USP43: variants seen among roughly 807,000 people sequenced by gnomAD.
USP43 encodes the protein ubiquitin specific peptidase 43.
USP43 carries 33 observed loss-of-function variants against 90.7 expected under a neutral mutation model. That is an observed-to-expected ratio of 0.36 (90% CI 0.28 to 0.49). The LOEUF is 0.49. USP43 is among the 20% of genes least tolerant of loss of function. The probability of loss-of-function intolerance (pLI) is 0.98; values close to 1 mark genes in which losing one functional copy is unlikely to be tolerated. For missense variants in USP43, 1,274 were observed against 1,476.4 expected (o/e 0.86, Z 2.25); for synonymous variants, 598 against 615.8 (o/e 0.97, Z 0.43).
At chr17:9,724,320 G>T (rs747966248) in intron 14 of USP43, among the ~76,000 whole-genome samples, 7 of 152,154 alleles carry the variant, frequency 4.6e-5, no homozygotes, top group Non-Finnish European at 8.8e-5. Flanking sequence ...GCTTGTCCCA[G>T]GTTGCACTCT....
chr17:9,726,691 T>G (rs963571018), intron 14 of USP43, among the ~76,000 whole-genome samples: 2 of 152,166 alleles, frequency 1.3e-5, no homozygotes, highest in Non-Finnish European at 2.9e-5. Context: ...AGAGCTTCAA[T>G]GTATGAATCT....
chr17:9,699,244 A>G (rs1180063594), intron 9 of USP43, among the ~76,000 whole-genome samples: 1 of 152,200 alleles, frequency 6.6e-6, no homozygotes, highest in African/African-American at 2.4e-5. Flanking sequence ...AGGAGGCAGC[A>G]TGGTTCTCCC....
Position 9,674,107 on chromosome 17 carries a change from G to A in USP43, c.741-784G>A, listed in dbSNP as rs904711540. Among the ~76,000 whole-genome samples, 5 of 152,096 alleles carry A rather than the reference G, an allele frequency of 3.3e-5. No individual in the cohort carries two copies. The highest frequency in any genetic ancestry group is 1.2e-4 in the African/African-American group (5 of 41,392). ...TTTAAAAAAGCCTTCCTGTGGTTCT[G>A]GGGCACAGTGAGGCTGAGAAGCAGG... On this transcript the variant is annotated intron_variant, in intron 3 of 14. Coordinates refer to ENST00000285199, the MANE Select transcript of USP43 (RefSeq NM_153210.5). This position sits in a 1 kb window ranked among gnomAD's most constrained non-coding sequence, Gnocchi z 4.4.
chr17:9,697,220 A>T (rs969608546), intron 9 of USP43, among the ~76,000 whole-genome samples: 3 of 152,020 alleles, frequency 2.0e-5, no homozygotes, highest in African/African-American at 7.2e-5. Flanking sequence ...CTGTCTCAAA[A>T]ATAAATAAAT....
chr17:9,648,823 A>C (rs561801787), intron 1 of USP43, among the ~76,000 whole-genome samples: 1 of 151,706 alleles, frequency 6.6e-6, no homozygotes, highest in South Asian at 2.1e-4. Flanking sequence ...TTTCTTAAGG[A>C]GTCTTGTCTT....
At chr17:9,669,017 T>A (rs935999480) in intron 3 of USP43, among the ~76,000 whole-genome samples, 7 of 150,242 alleles carry the variant, frequency 4.7e-5, no homozygotes, top group South Asian at 2.1e-4. Context: ...TTTTTTTTTT[T>A]TAATTTTTAG....
intron 2 of USP43, among the ~76,000 whole-genome samples, chr17:9,659,947 G>A (rs1253684376): frequency 6.6e-6 from 1 of 152,138 alleles, no homozygotes; most frequent in Non-Finnish European, 1.5e-5. Context: ...TCTAGACTAG[G>A]CATTTGACTA....
chr17:9,706,273 G>A (rs1915871518), intron 12 of USP43, among the ~76,000 whole-genome samples: 1 of 152,128 alleles, frequency 6.6e-6, no homozygotes, highest in African/African-American at 2.4e-5. Context: ...TAAATTGCAA[G>A]TATGTGTTCC....
chr17:9,709,888 C>T lies in USP43; in HGVS notation c.2012-68C>T. Reference sequence around the variant, plus strand: ...TAAACATACCGCTTTTTCAGCTATGCCAGTGGGAAATGTCTTCCTACCTTT... The same window carrying T: ...TAAACATACCGCTTTTTCAGCTATGTCAGTGGGAAATGTCTTCCTACCTTT... On this transcript the variant is annotated intron_variant, in intron 12 of 14. Transcript: ENST00000285199. The surrounding 1 kb of genome is among the most constrained non-coding windows in gnomAD (Gnocchi z 5.0). 2 of 1,346,010 alleles carry T rather than the reference C, an allele frequency of 1.5e-6. No homozygotes were observed. Among genetic ancestry groups the T allele is most frequent in the Non-Finnish European group, 1.9e-6 (2 of 1,038,156 alleles). The allele number at this position is 1,346,010 out of a possible 1,614,324, so 83.4% of individuals were successfully genotyped here. A position where few individuals can be genotyped will look rare whatever the true frequency, so the allele number is the denominator to read the frequency against.
At chr17:9,683,018 G>A (rs1455764109) in intron 7 of USP43, 60 bp downstream of exon 7, 85 of 1,577,434 alleles carry the variant, frequency 5.4e-5, no homozygotes, top group Non-Finnish European at 7.2e-5. Context: ...CTGTACTTGG[G>A]AGCCTGTCTA....
chr17:9,707,668 A>C (rs1385187678), intron 12 of USP43, among the ~76,000 whole-genome samples: 1 of 147,844 alleles, frequency 6.8e-6, no homozygotes, highest in African/African-American at 2.5e-5. Context: ...AAAAAGCTTT[A>C]AAATATTTCA....
chr17:9,648,522 G>A (rs1911615848), intron 1 of USP43, among the ~76,000 whole-genome samples: 1 of 152,150 alleles, frequency 6.6e-6, no homozygotes. Flanking sequence ...ACAAATACAA[G>A]GTGCTATGAC....
chr17:9,717,989 G>C (rs1267197334), intron 14 of USP43, among the ~76,000 whole-genome samples: 1 of 151,778 alleles, frequency 6.6e-6, no homozygotes, highest in Admixed American at 6.6e-5. Flanking sequence ...TAGAGATGGG[G>C]GTTTCACCAT....
At chr17:9,692,895 A>T (rs1915040796) in intron 8 of USP43, among the ~76,000 whole-genome samples, 1 of 152,104 alleles carries the variant, frequency 6.6e-6, no homozygotes, top group Admixed American at 6.6e-5. Context: ...TTTTGGGGGG[A>T]AGATGTAACA....
Position 9,645,529 on chromosome 17 carries a change from CA to C in USP43, c.-103del. On this transcript the variant is annotated 5_prime_UTR_variant, in exon 1 of 15. Coordinates refer to ENST00000285199, the MANE Select transcript of USP43 (RefSeq NM_153210.5). The surrounding 1 kb of genome is among the most constrained non-coding windows in gnomAD (Gnocchi z 6.8). ...GCCCCGTCCCCGCACACCTGGCCCG[CA>C]GGTAGCCGGCACCAGGAGCCTTAGA... The C allele has an allele frequency of 1.9e-6, 2 of 1,069,332 alleles. No homozygotes were observed. The highest frequency in any genetic ancestry group is 2.3e-6 in the Non-Finnish European group (2 of 866,000). The allele number at this position is 1,069,332 out of a possible 1,614,324, so 66.2% of individuals were successfully genotyped here. A position where few individuals can be genotyped will look rare whatever the true frequency, so the allele number is the denominator to read the frequency against.
chr17:9,720,321 CA>C (rs980644442), intron 14 of USP43, among the ~76,000 whole-genome samples: 8,764 of 43,632 alleles, frequency 0.2, 222 homozygotes, highest in African/African-American at 0.37. Context: ...GACTCCATCT[CA>C]AAAAAAAAAA....
chr17:9,691,570 C>T (rs556421720), intron 8 of USP43, among the ~76,000 whole-genome samples: 224 of 152,204 alleles, frequency 1.5e-3, no homozygotes, highest in African/African-American at 5.3e-3. Flanking sequence ...TCAAGCCCCT[C>T]CTTGCGACTC....
Position 9,701,777 on chromosome 17 carries a change from G to GC in USP43, c.2011+77_2011+78insC. 2.3e-6 allele frequency: 3 copies of GC among 1,282,096 alleles called. No individual in the cohort carries two copies. The highest frequency in any genetic ancestry group is 3.2e-6 in the Non-Finnish European group (3 of 947,758). 79.4% of individuals were successfully genotyped at this position (1,282,096 alleles called of 1,614,324 possible). ...ATGTCCCTGGAATGGGTGTTGCTCA[G>GC]ATGCTGAGCTCCCTGGGGCACTTAT... On this transcript the variant is annotated intron_variant, in intron 12 of 14. Transcript: ENST00000285199. This position sits in a 1 kb window ranked among gnomAD's most constrained non-coding sequence, Gnocchi z 7.2.
At chr17:9,726,947 G>A (rs1917302957) in intron 14 of USP43, among the ~76,000 whole-genome samples, 1 of 152,160 alleles carries the variant, frequency 6.6e-6, no homozygotes, top group Non-Finnish European at 1.5e-5. Context: ...TAATGGTACA[G>A]TGACTGATGA....
Sources: gnomAD v4.1 joint callset for allele counts (sites outside exome capture counted in the v4.1 genomes callset) on GRCh38, gnomAD v4.1.1 for gene constraint, Gnocchi (gnomAD v3.1) non-coding constraint, MANE v1.5 for transcripts, NCBI Gene and HGNC (gene_info 2026-07-23, HGNC 2026-07-21) for gene names.